Variants in TCF4 observed in about 807,000 individuals in gnomAD.
TCF4 encodes SL3-3 enhancer factor 2.
Under a neutral mutation model 82.1 loss-of-function variants are expected in TCF4, and 3 were observed. That is an observed-to-expected ratio of 0.04 (90% CI 0.02 to 0.09). TCF4 has a LOEUF of 0.09. Among genes scored for constraint, TCF4 ranks in the 10% least tolerant of loss-of-function variants. TCF4 has a pLI of 1.00. For missense variants in TCF4, 518 were observed against 852.7 expected, an observed-to-expected ratio of 0.61 and a Z score of 4.89; for synonymous variants, 276 against 309.6, an observed-to-expected ratio of 0.89 and a Z score of 1.14.
intron 5 of TCF4, among the ~76,000 whole-genome samples, chr18:55,455,179 C>CAAAAAAAAAAAAAAAAAAAAAAAAAAAAA (rs35889370): frequency 1.5e-5 from 1 of 67,472 alleles, no homozygotes; most frequent in Non-Finnish European, 2.9e-5. Context: ...GACTCTGTCT[C>CAAAAAAAAAAAAAAAAAAAAAAAAAAAAA]AAAAAAAAAA....
At chr18:55,435,852 A>G (rs1375673004) in intron 5 of TCF4, among the ~76,000 whole-genome samples, 1 of 152,168 alleles carries the variant, frequency 6.6e-6, no homozygotes, top group African/African-American at 2.4e-5. Flanking sequence ...ACAGGACCCT[A>G]TATTTCTCTT....
At chr18:55,241,723 G>T (rs1032534376) in intron 15 of TCF4, among the ~76,000 whole-genome samples, 1 of 152,188 alleles carries the variant, frequency 6.6e-6, no homozygotes, top group African/African-American at 2.4e-5. Flanking sequence ...CATGCTTACT[G>T]TAATATATTT....
chr18:55,553,718 G>T (rs1029297749), intron 3 of TCF4, among the ~76,000 whole-genome samples: 8 of 152,196 alleles, frequency 5.3e-5, no homozygotes, highest in African/African-American at 2.4e-5. Flanking sequence ...TTTGGGTGTG[G>T]TGAAGGTAGC....
chr18:55,327,194 A>T (rs1224993146), intron 8 of TCF4, among the ~76,000 whole-genome samples: 1 of 152,002 alleles, frequency 6.6e-6, no homozygotes, highest in African/African-American at 2.4e-5. Flanking sequence ...ATTATTTTAA[A>T]TTTTTTTTCA....
At chr18:55,241,944 C>A (rs1374464906) in intron 15 of TCF4, among the ~76,000 whole-genome samples, 2 of 152,180 alleles carry the variant, frequency 1.3e-5, no homozygotes, top group South Asian at 4.2e-4. Flanking sequence ...CTCCCAGGAC[C>A]AATGCAGTTC....
rs182536657 is a variant in TCF4, at chr18:55,545,173, C to T, written c.145+40107G>A. On this transcript the variant is annotated intron_variant, in intron 3 of 19. Transcript: ENST00000354452. ...TGCAAAACAGGGATCTGCTACTTCACAAAACAGTTGTGAAGACTGACTTAC... is the reference window on the plus strand; with the variant it reads ...TGCAAAACAGGGATCTGCTACTTCATAAAACAGTTGTGAAGACTGACTTAC... Among the ~76,000 whole-genome samples the T allele has an allele frequency of 3.3e-5, 5 of 152,170 alleles. No individual in the cohort carries two copies. The East Asian group carries it at 5.8e-4, about 18-fold the overall frequency.
chr18:55,527,822 AG>A (rs1279825641), intron 3 of TCF4, among the ~76,000 whole-genome samples: 1 of 152,182 alleles, frequency 6.6e-6, no homozygotes, highest in Non-Finnish European at 1.5e-5. Context: ...AAACAACAAG[AG>A]GAAGTTATGA....
intron 3 of TCF4, among the ~76,000 whole-genome samples, chr18:55,466,153 G>A (rs1244703165): frequency 6.6e-6 from 1 of 152,110 alleles, no homozygotes; most frequent in African/African-American, 2.4e-5. Flanking sequence ...CAGAGGCCAA[G>A]AGTTGCTATT....
intron 3 of TCF4, among the ~76,000 whole-genome samples, chr18:55,517,172 A>G (rs547494392): frequency 6.6e-6 from 1 of 152,330 alleles, no homozygotes; most frequent in East Asian, 1.9e-4. Context: ...ATACTGGACT[A>G]TGCCACATGA....
In TCF4 at chr18:55,402,485, T is replaced by A. The variant is rs189395557; in HGVS notation, c.369+969A>T. Among the ~76,000 whole-genome samples, 1,478 of 151,914 alleles carry A rather than the reference T, an allele frequency of 9.7e-3. 15 individuals are homozygous for A. The highest frequency in any genetic ancestry group is 0.049 in the South Asian group (236 of 4,804). On this transcript the variant is annotated intron_variant, in intron 6 of 19. Coordinates refer to ENST00000354452, the MANE Select transcript of TCF4 (RefSeq NM_001083962.2). ...AGTTCAAGAGAGTAAGCATCCCCTT[T>A]CCAGCATTTGAAAAAAAAAAAGTAC...
At chr18:55,516,978 G>A (rs1686578624) in intron 3 of TCF4, among the ~76,000 whole-genome samples, 1 of 152,124 alleles carries the variant, frequency 6.6e-6, no homozygotes, top group African/African-American at 2.4e-5. Context: ...TAAGGTCAAG[G>A]GCTAAAGCAG....
At position 55,486,247 on chromosome 18, in the gene TCF4, T is replaced by C. The variant is rs572755897; in HGVS notation, c.146-22110A>G. On this transcript the variant is annotated intron_variant, in intron 3 of 19. Coordinates refer to ENST00000354452, the MANE Select transcript of TCF4 (RefSeq NM_001083962.2). ...CACCAAGGGATTGTTACTGAAATAGTTTTTGAAAAGGAGACGGAAGTTTCC... is the reference window on the plus strand; with the variant it reads ...CACCAAGGGATTGTTACTGAAATAGCTTTTGAAAAGGAGACGGAAGTTTCC... Among the ~76,000 whole-genome samples, 225 of 152,236 alleles carry C rather than the reference T, an allele frequency of 1.5e-3. 4 individuals are homozygous for C. The highest frequency in any genetic ancestry group is 6.6e-4 in the Non-Finnish European group (45 of 68,018).
chr18:55,406,398 T>C (rs2094091479), intron 5 of TCF4, among the ~76,000 whole-genome samples: 1 of 151,100 alleles, frequency 6.6e-6, no homozygotes, highest in South Asian at 2.1e-4. Context: ...GCGATTCCTA[T>C]CATTTTTTTT....
In TCF4 at chr18:55,588,135, C is replaced by CGCTCCCGCGCCT; in HGVS notation, c.-130_-119dup. 2.8e-6 allele frequency: 3 copies of CGCTCCCGCGCCT among 1,064,902 alleles called. No homozygotes were observed. The South Asian group carries it at 1.3e-4, about 45-fold the overall frequency. 66.0% of individuals were successfully genotyped at this position (1,064,902 alleles called of 1,614,324 possible). Reference sequence around the variant, plus strand: ...CACCGCCGCCGCCTGCTCCTGCGCCCGCTCCCGCGCCTGCTGCCTCCCCGC... The same window carrying CGCTCCCGCGCCT: ...CACCGCCGCCGCCTGCTCCTGCGCCCGCTCCCGCGCCTGCTCCCGCGCCTGCTGCCTCCCCGC... On this transcript the variant is annotated 5_prime_UTR_variant, in exon 1 of 20. Transcript: ENST00000354452.
chr18:55,529,225 T>C (rs2097029366), intron 3 of TCF4, among the ~76,000 whole-genome samples: 1 of 152,128 alleles, frequency 6.6e-6, no homozygotes, highest in African/African-American at 2.4e-5. Context: ...TTTTAGAAAG[T>C]ATGAAACATT....
intron 6 of TCF4, among the ~76,000 whole-genome samples, chr18:55,378,182 T>A (rs1603421120): frequency 6.6e-6 from 1 of 152,194 alleles, no homozygotes; most frequent in East Asian, 1.9e-4. Context: ...TCCCTAAGAA[T>A]ACTTGACCCA....
At chr18:55,452,904 A>C (rs2095653741) in intron 5 of TCF4, among the ~76,000 whole-genome samples, 1 of 152,134 alleles carries the variant, frequency 6.6e-6, no homozygotes, top group Admixed American at 6.5e-5. Flanking sequence ...TAATTTGCTG[A>C]CCAGAAATTA....
chr18:55,489,330 A>C (rs544296696), intron 3 of TCF4, among the ~76,000 whole-genome samples: 1 of 152,286 alleles, frequency 6.6e-6, no homozygotes, highest in South Asian at 2.1e-4. Flanking sequence ...ACCTCCCCAC[A>C]TACTGTCTGA....
At chr18:55,395,102 C>T (rs140283645) in intron 6 of TCF4, among the ~76,000 whole-genome samples, 120 of 152,230 alleles carry the variant, frequency 7.9e-4, no homozygotes, top group African/African-American at 2.7e-3. Context: ...TCAAGCATGA[C>T]GTTCAATAAA....
Sources: allele counts gnomAD v4.1 joint callset (sites outside exome capture counted in the v4.1 genomes callset), GRCh38; gene constraint gnomAD v4.1.1; transcripts MANE v1.5; gene names NCBI Gene and HGNC (gene_info 2026-07-23, HGNC 2026-07-21).